Variants in GOLGA7B observed in about 807,000 individuals in gnomAD.
GOLGA7B encodes the protein golgin A7 family member B.
In GOLGA7B, 17 loss-of-function variants were observed where a neutral mutation model predicts 21.5. The observed-to-expected ratio is 0.79, with a 90% CI of 0.54 to 1.19. GOLGA7B has a LOEUF of 1.19. GOLGA7B is among the 50% of genes most tolerant of loss of function. GOLGA7B has a pLI of 0.00. For synonymous variants in GOLGA7B, 87 were observed against 84.0 expected (o/e 1.04, Z -0.19); for missense variants, 169 against 224.4 (o/e 0.75, Z 1.58).
chr10:97,859,672 C>T, intron 2 of GOLGA7B, 89 bp downstream of exon 2: 1 of 1,339,514 alleles, frequency 7.5e-7, no homozygotes, highest in Non-Finnish European at 1.0e-6. Flanking sequence ...GATCCTATGA[C>T]ACATAATATC....
chr10:97,855,316 T>A (rs180990634), intron 1 of GOLGA7B, among the ~76,000 whole-genome samples: 2 of 152,268 alleles, frequency 1.3e-5, no homozygotes, highest in African/African-American at 2.4e-5. Flanking sequence ...AGAACCTGAA[T>A]AGCCAAAGCA....
At chr10:97,860,044 A>G (rs771458279) in intron 2 of GOLGA7B, among the ~76,000 whole-genome samples, 3 of 152,224 alleles carry the variant, frequency 2.0e-5, no homozygotes, top group Non-Finnish European at 4.4e-5. Context: ...AGCCCAAACC[A>G]ACTACATTAG....
At chr10:97,863,835 TC>T in intron 2 of GOLGA7B, 94 bp from the exon 3 acceptor site, 2 of 1,346,960 alleles carry the variant, frequency 1.5e-6, no homozygotes, top group Non-Finnish European at 2.0e-6. Context: ...ATCTTCCCCA[TC>T]TACATGGCCC....
Position 97,863,937 on chromosome 10 carries a change from G to A in GOLGA7B, c.146G>A (p.Arg49Gln), listed in dbSNP as rs372050656. ...CTCTGTCCCTTTCTCCAGATCGAGC[G>A]GCAGCTCTTTGAAGAGACTGTGAAG... is the stretch of plus-strand genomic sequence containing the variant. ...FPPELDSRIE[R>Q]QLFEETVKTL... Residue 49 changes from arginine (R) to glutamine (Q), a missense_variant, in exon 3 of 5, where the codon CGG (arginine) becomes CAG (glutamine). By Grantham distance (43) the Arg-to-Gln change is conservative. Coordinates refer to ENST00000370602, the MANE Select transcript of GOLGA7B (RefSeq NM_001010917.3). 151 of 1,612,218 alleles carry A rather than the reference G, an allele frequency of 9.4e-5. No individual in the cohort carries two copies. The highest frequency in any genetic ancestry group is 4.9e-4 in the Middle Eastern group (3 of 6,076).
Position 97,870,098 on chromosome 10 carries a change from A to G in GOLGA7B, c.*4398A>G, listed in dbSNP as rs1274025533. On this transcript the variant is annotated 3_prime_UTR_variant, in exon 5 of 5. Transcript: ENST00000370602. ...CCCGAGGCGTTCAACCTTGGTGGCA[A>G]TGGATGTCAACTGGAAGCATGAAAA... 1 of 152,192 alleles carries G rather than the reference A, an allele frequency of 6.6e-6. No individual in the cohort carries two copies. The highest frequency in any genetic ancestry group is 6.5e-5 in the Admixed American group (1 of 15,284). The allele number at this position is 152,192 out of a possible 1,614,324, so 9.4% of individuals were successfully genotyped here. A position where few individuals can be genotyped will look rare whatever the true frequency, so the allele number is the denominator to read the frequency against.
intron 1 of GOLGA7B, 130 bp from the exon 2 acceptor site, chr10:97,859,328 C>T: frequency 1.1e-6 from 1 of 907,084 alleles, no homozygotes; most frequent in Non-Finnish European, 1.7e-6. Context: ...GAGTGCCCAG[C>T]TTGTCTCTGC....
At chr10:97,851,937 G>A (rs1039548872) in intron 1 of GOLGA7B, among the ~76,000 whole-genome samples, 4 of 152,226 alleles carry the variant, frequency 2.6e-5, no homozygotes, top group Non-Finnish European at 5.9e-5. Context: ...GCTTTCCTGT[G>A]TACAAAGCAC....
rs1294357840 is a variant in GOLGA7B, at chr10:97,868,093, AAGT to A, written c.*2396_*2398del. The A allele has an allele frequency of 1.3e-5, 2 of 152,258 alleles. No homozygotes were observed. Among genetic ancestry groups the A allele is most frequent in the African/African-American group, 4.8e-5 (2 of 41,462 alleles). The allele number at this position is 152,258 out of a possible 1,614,324, so 9.4% of individuals were successfully genotyped here. A position where few individuals can be genotyped will look rare whatever the true frequency, so the allele number is the denominator to read the frequency against. On this transcript the variant is annotated 3_prime_UTR_variant, in exon 5 of 5. Coordinates refer to ENST00000370602, the MANE Select transcript of GOLGA7B (RefSeq NM_001010917.3). ...AGGTCACTCAGTACTGAAGATGAGA[AAGT>A]AGCTGGATGATCACTTCTCGGCCTT... is the stretch of plus-strand genomic sequence containing the variant.
chr10:97,863,364 C>G (rs1003789899), intron 2 of GOLGA7B, among the ~76,000 whole-genome samples: 9 of 152,184 alleles, frequency 5.9e-5, no homozygotes, highest in African/African-American at 2.2e-4. Context: ...GGCAGGACAG[C>G]TTCTCAGGTG....
intron 1 of GOLGA7B, among the ~76,000 whole-genome samples, chr10:97,856,232 C>T (rs908587771): frequency 1.3e-5 from 2 of 152,182 alleles, no homozygotes; most frequent in African/African-American, 2.4e-5. Context: ...CACCCCCTCC[C>T]CTCTTTTGGA....
chr10:97,860,018 C>T (rs1049265947), intron 2 of GOLGA7B, among the ~76,000 whole-genome samples: 7 of 152,214 alleles, frequency 4.6e-5, no homozygotes, highest in African/African-American at 1.7e-4. Context: ...TTAAAAAATC[C>T]TGATGCTCAG....
intron 1 of GOLGA7B, among the ~76,000 whole-genome samples, chr10:97,858,780 C>T (rs918157120): frequency 1.4e-5 from 2 of 144,416 alleles, no homozygotes; most frequent in African/African-American, 2.9e-5. Context: ...CTGGCCGGGG[C>T]CATAAAACTC....
At position 97,865,876 on chromosome 10, in the gene GOLGA7B, C is replaced by T. The variant is rs374196286; in HGVS notation, c.*176C>T. On this transcript the variant is annotated 3_prime_UTR_variant, in exon 5 of 5. Transcript: ENST00000370602. The stretch of plus-strand genomic sequence containing the variant: ...TCCTGTGGGCCATCAACCTATGCCC[C>T]CTGTCCCTCACCCCCGTCTGGATCA... 6.4e-5 allele frequency: 69 copies of T among 1,070,350 alleles called. No individual in the cohort carries two copies. The African/African-American group carries it at 9.5e-4, about 15-fold the overall frequency. The allele number at this position is 1,070,350 out of a possible 1,614,324, so 66.3% of individuals were successfully genotyped here.
intron 1 of GOLGA7B, among the ~76,000 whole-genome samples, chr10:97,854,821 G>GTT: frequency 6.6e-6 from 1 of 152,308 alleles, no homozygotes; most frequent in South Asian, 2.1e-4. Context: ...GAAGTTCCAG[G>GTT]TAAGTGTTCC....
chr10:97,871,255 G>A lies in GOLGA7B; in HGVS notation c.*5555G>A, dbSNP rs1024663400. 2 of 152,172 alleles carry A rather than the reference G, an allele frequency of 1.3e-5. No homozygotes were observed. Among genetic ancestry groups the A allele is most frequent in the Admixed American group, 6.5e-5 (1 of 15,288 alleles). 9.4% of individuals were successfully genotyped at this position (152,172 alleles called of 1,614,324 possible). On this transcript the variant is annotated 3_prime_UTR_variant, in exon 5 of 5. Transcript: ENST00000370602. The stretch of plus-strand genomic sequence containing the variant: ...GCATGCAGGATCCTGGAGCTGCGTC[G>A]GGTTTTGAATCAGGGACAATGGAGG...
chr10:97,865,563 GC>G, intron 4 of GOLGA7B, 26 bp from the exon 5 acceptor site: 2 of 1,609,586 alleles, frequency 1.2e-6, no homozygotes, highest in Non-Finnish European at 1.7e-6. Context: ...AGCTGGGCTC[GC>G]AGCTCTCCTT....
Position 97,850,170 on chromosome 10 carries a change from G to A in GOLGA7B, c.-134G>A, listed in dbSNP as rs2049895547. 8.5e-6 allele frequency: 2 copies of A among 236,028 alleles called. No homozygotes were observed. Among genetic ancestry groups the A allele is most frequent in the Non-Finnish European group, 1.5e-5 (2 of 131,214 alleles). The allele number at this position is 236,028 out of a possible 1,614,324, so 14.6% of individuals were successfully genotyped here. On this transcript the variant is annotated 5_prime_UTR_variant, in exon 1 of 5. Transcript: ENST00000370602. The stretch of plus-strand genomic sequence containing the variant: ...GCCCACCTGAGCCCGGGCCCGCGGC[G>A]CCCGCATCAGCACTGCGGACAGCGC...
rs777839323 is a variant in GOLGA7B, at chr10:97,864,068, A to T, written c.277A>T (p.Thr93Ser). Residue 93 changes from threonine to serine, a missense_variant, in exon 3 of 5, where the codon ACC (threonine) becomes TCC (serine). Thr to Ser is a moderately conservative substitution (Grantham distance 58). Coordinates refer to ENST00000370602, the MANE Select transcript of GOLGA7B (RefSeq NM_001010917.3). ...CTACTTCATCTTCCTCTGCATGGAG[A>T]CCCACTATGAGAAGGTGGCCCCTCC... ...TAYFIFLCME[T>S]HYEKVLKKIS... 2 of 1,613,870 alleles carry T rather than the reference A, an allele frequency of 1.2e-6. No homozygotes were observed. The highest frequency in any genetic ancestry group is 1.7e-6 in the Non-Finnish European group (2 of 1,179,882).
At chr10:97,864,334 G>T in intron 4 of GOLGA7B, 65 bp downstream of exon 4, 1 of 1,423,898 alleles carries the variant, frequency 7.0e-7, no homozygotes, top group Non-Finnish European at 9.9e-7. Context: ...TCCTGGTGAG[G>T]CTGCCAGGAA....
Sources: gnomAD v4.1 joint callset for allele counts (sites outside exome capture counted in the v4.1 genomes callset) on GRCh38, gnomAD v4.1.1 for gene constraint, MANE v1.5 for transcripts, NCBI Gene and HGNC (gene_info 2026-07-23, HGNC 2026-07-21) for gene names.